Variants in PLEKHA6 observed in about 807,000 individuals in gnomAD.
PLEKHA6 encodes the protein pleckstrin homology domain containing A6.
Under a neutral mutation model 116.7 loss-of-function variants are expected in PLEKHA6, and 60 were observed. That is an observed-to-expected ratio of 0.51 (90% CI 0.42 to 0.64). The LOEUF (loss-of-function observed/expected upper bound fraction) is 0.64, where lower values mean the gene tolerates loss of function less well. Among genes scored for constraint, PLEKHA6 ranks in the 30% least tolerant of loss-of-function variants. The probability of loss-of-function intolerance (pLI) is 0.00; values close to 1 mark genes in which losing one functional copy is unlikely to be tolerated. For missense variants in PLEKHA6, 1,338 were observed against 1,422.7 expected, an observed-to-expected ratio of 0.94 and a Z score of 0.96; for synonymous variants, 489 against 556.1, an observed-to-expected ratio of 0.88 and a Z score of 1.70.
At chr1:204,263,359 G>A (rs1447593074) in intron 6 of PLEKHA6, among the ~76,000 whole-genome samples, 2 of 152,230 alleles carry the variant, frequency 1.3e-5, no homozygotes, top group Admixed American at 1.3e-4. Context: ...TTCAGCGGTA[G>A]CCTGGGCAGG....
Position 204,223,505 on chromosome 1 carries a change from G to A in PLEKHA6, c.3112C>T (p.Arg1038Trp), listed in dbSNP as rs200124951. The A allele has an allele frequency of 2.1e-5, 32 of 1,550,202 alleles. No homozygotes were observed. Among genetic ancestry groups the A allele is most frequent in the Admixed American group, 1.2e-4 (6 of 50,996 alleles). ...ATGGTATAGCTGCTGTCGGCGCCCCGTGGGGATTCAGACGACAGGGGGTTT... is the reference window on the plus strand; with the variant it reads ...ATGGTATAGCTGCTGTCGGCGCCCCATGGGGATTCAGACGACAGGGGGTTT... ...PANPLSSESP[R>W]GADSSYTMRV Residue 1038 changes from arginine to tryptophan, a missense_variant, in exon 22 of 23, where the codon CGG becomes TGG. This residue lies in a region of PLEKHA6 where 1,136 missense variants were observed against 1,163.6 expected (regional missense o/e 0.98). Transcript: ENST00000272203. This position sits in a 1 kb window ranked among gnomAD's most constrained non-coding sequence, Gnocchi z 4.8.
chr1:204,327,446 C>G (rs941691300), intron 1 of PLEKHA6, among the ~76,000 whole-genome samples: 1 of 152,232 alleles, frequency 6.6e-6, no homozygotes, highest in Admixed American at 6.5e-5. Flanking sequence ...GGCAAGTGAG[C>G]CTTGATGCCG....
intron 1 of PLEKHA6, chr1:204,301,445 A>G: frequency 3.0e-6 from 3 of 985,452 alleles, no homozygotes; most frequent in African/African-American, 1.7e-5. Context: ...GCAATGTGTT[A>G]TTTGGTTGGA....
At chr1:204,331,480 T>C (rs534767241) in intron 1 of PLEKHA6, among the ~76,000 whole-genome samples, 96 of 152,130 alleles carry the variant, frequency 6.3e-4, no homozygotes, top group Admixed American at 1.0e-3. Context: ...CCTTAACACT[T>C]CCTGGTGCTA....
chr1:204,223,368 C>T lies in PLEKHA6; in HGVS notation c.*8+94G>A. 4.2e-6 allele frequency: 3 copies of T among 722,304 alleles called. No individual in the cohort carries two copies. Among genetic ancestry groups the T allele is most frequent in the Non-Finnish European group, 7.7e-6 (3 of 391,334 alleles). The allele number at this position is 722,304 out of a possible 1,614,324, so 44.7% of individuals were successfully genotyped here. The stretch of plus-strand genomic sequence containing the variant: ...ACAGGGCACTGGGGTAGGGGAGAAG[C>T]AATACCAAAATGAGAGGGCATAGAT... On this transcript the variant is annotated intron_variant, in intron 22 of 22. Transcript: ENST00000272203. The surrounding 1 kb of genome is among the most constrained non-coding windows in gnomAD (Gnocchi z 4.8).
At chr1:204,305,514 C>T (rs182079015) in intron 1 of PLEKHA6, among the ~76,000 whole-genome samples, 2 of 152,148 alleles carry the variant, frequency 1.3e-5, no homozygotes, top group East Asian at 3.9e-4. Context: ...TTCCATCTCT[C>T]TATACTCAAA....
intron 1 of PLEKHA6, among the ~76,000 whole-genome samples, chr1:204,344,744 T>G (rs182715501): frequency 6.6e-6 from 1 of 151,918 alleles, no homozygotes. Flanking sequence ...CAGAAGTGAG[T>G]GACAAAGCAA....
intron 1 of PLEKHA6, among the ~76,000 whole-genome samples, chr1:204,331,711 A>G (rs1194359940): frequency 6.6e-6 from 1 of 152,216 alleles, no homozygotes; most frequent in African/African-American, 2.4e-5. Flanking sequence ...AGAGAAAAAG[A>G]GAAAGGAAAA....
Position 204,228,719 on chromosome 1 carries a change from G to C in PLEKHA6, c.2885+9C>G, listed in dbSNP as rs766326929. On this transcript the variant is annotated intron_variant, in intron 20 of 22. Coordinates refer to ENST00000272203, the MANE Select transcript of PLEKHA6 (RefSeq NM_014935.5). The surrounding 1 kb of genome is among the most constrained non-coding windows in gnomAD (Gnocchi z 4.0). ...GCAGAGGAAGTAGAGGCTCACCCAG[G>C]CTGGTTACCTGGATTTGGCAATGAG... 1.9e-6 allele frequency: 3 copies of C among 1,613,660 alleles called. No homozygotes were observed. The highest frequency in any genetic ancestry group is 1.1e-5 in the South Asian group (1 of 91,064).
chr1:204,227,443 T>A (rs1246340575), intron 21 of PLEKHA6, among the ~76,000 whole-genome samples: 1 of 152,238 alleles, frequency 6.6e-6, no homozygotes, highest in Non-Finnish European at 1.5e-5. Flanking sequence ...TATTCTGGGA[T>A]GATATCTCAG....
chr1:204,324,865 T>C (rs1320732686), intron 1 of PLEKHA6, among the ~76,000 whole-genome samples: 1 of 152,216 alleles, frequency 6.6e-6, no homozygotes, highest in East Asian at 1.9e-4. Context: ...GGAGATCACA[T>C]GATGCCTGAG....
At chr1:204,245,871 CACACACA>C in intron 13 of PLEKHA6, 145 bp from the exon 14 acceptor site, 2 of 561,520 alleles carry the variant, frequency 3.6e-6, no homozygotes, top group Non-Finnish European at 3.2e-6. Context: ...CACACACACA[CACACACA>C]TGCCCCTCCA....
chr1:204,224,231 A>G (rs978447712), intron 21 of PLEKHA6, among the ~76,000 whole-genome samples: 4 of 152,150 alleles, frequency 2.6e-5, no homozygotes, highest in Non-Finnish European at 5.9e-5. Context: ...TGATGTTTGA[A>G]TTAATGAGAT....
At chr1:204,246,029 A>G (rs1663617449) in intron 13 of PLEKHA6, among the ~76,000 whole-genome samples, 1 of 152,186 alleles carries the variant, frequency 6.6e-6, no homozygotes, top group Non-Finnish European at 1.5e-5. Flanking sequence ...TTTCGAGTGA[A>G]TGCCCATCTA....
At chr1:204,225,527 A>C (rs1660224104) in intron 21 of PLEKHA6, among the ~76,000 whole-genome samples, 2 of 152,222 alleles carry the variant, frequency 1.3e-5, no homozygotes. Flanking sequence ...CACAGACAGA[A>C]GTTCACAGTA....
upstream of PLEKHA6, chr1:204,377,846 A>T (rs945931202): frequency 1.3e-5 from 1 of 76,054 alleles, no homozygotes; most frequent in African/African-American, 3.1e-5. Flanking sequence ...CTCCCCACTG[A>T]AGACGCGCTG....
intron 1 of PLEKHA6, among the ~76,000 whole-genome samples, chr1:204,319,570 A>C (rs1031300821): frequency 6.6e-6 from 1 of 152,070 alleles, no homozygotes; most frequent in Admixed American, 6.5e-5. Flanking sequence ...GTCCCCACCC[A>C]ACAGGAGTGG....
At chr1:204,281,432 G>A (rs1668597602) in intron 1 of PLEKHA6, among the ~76,000 whole-genome samples, 1 of 152,160 alleles carries the variant, frequency 6.6e-6, no homozygotes, top group Non-Finnish European at 1.5e-5. Flanking sequence ...GGCTGAGGCA[G>A]GAGAATGGCG....
Position 204,230,542 on chromosome 1 carries a change from C to T in PLEKHA6, c.2454G>A (p.Lys818=), listed in dbSNP as rs1367503217. 1.2e-6 allele frequency: 2 copies of T among 1,602,448 alleles called. No homozygotes were observed. Among genetic ancestry groups the T allele is most frequent in the South Asian group, 1.1e-5 (1 of 88,256 alleles). ...SAVFPGEGKV[K]MSVEEQIDRM... is the part of the protein sequence containing the mutation. Reference sequence around the variant, plus strand: ...GGTCAATCTGCTCCTCCACGCTCATCTTGACCTTCCCCTCGCCAGGAAACA... The same window carrying T: ...GGTCAATCTGCTCCTCCACGCTCATTTTGACCTTCCCCTCGCCAGGAAACA... The change falls in exon 18 of 23, where the codon AAG becomes AAA. Residue 818 remains lysine, a synonymous_variant. Transcript: ENST00000272203.
Sources: gnomAD v4.1 joint callset for allele counts (sites outside exome capture counted in the v4.1 genomes callset) on GRCh38, gnomAD v4.1.1 for gene constraint, gnomAD v4.1.1 regional missense constraint, Gnocchi (gnomAD v3.1) non-coding constraint, MANE v1.5 for transcripts, NCBI Gene and HGNC (gene_info 2026-07-23, HGNC 2026-07-21) for gene names.